PTPN14: variants seen among roughly 807,000 people sequenced by gnomAD.
The protein encoded by PTPN14 is tyrosine-protein phosphatase non-receptor type 14.
Under a neutral mutation model 126.8 loss-of-function variants are expected in PTPN14, and 53 were observed. The ratio of observed to expected loss-of-function variants is 0.42; its 90% CI spans 0.34 to 0.53. PTPN14 has a LOEUF of 0.53. PTPN14 is among the 20% of genes least tolerant of loss of function. The probability of loss-of-function intolerance (pLI) is 0.08; values close to 1 mark genes in which losing one functional copy is unlikely to be tolerated. For synonymous variants in PTPN14, 630 were observed against 599.3 expected (o/e 1.05, Z -0.75); for missense variants, 1,257 against 1,552.9 (o/e 0.81, Z 3.20).
intron 1 of PTPN14, among the ~76,000 whole-genome samples, chr1:214,550,762 C>A (rs148508493): frequency 2.0e-5 from 3 of 152,242 alleles, no homozygotes; most frequent in Non-Finnish European, 4.4e-5. Context: ...TGATTGGGAG[C>A]GTCGGGCAGC....
At chr1:214,540,089 T>C (rs1200144776) in intron 1 of PTPN14, among the ~76,000 whole-genome samples, 2 of 152,184 alleles carry the variant, frequency 1.3e-5, no homozygotes, top group Non-Finnish European at 2.9e-5. Flanking sequence ...AGAAATTCCT[T>C]ACCTTTGAAT....
chr1:214,468,426 T>C (rs536092748), intron 1 of PTPN14, among the ~76,000 whole-genome samples: 1 of 152,116 alleles, frequency 6.6e-6, no homozygotes, highest in Non-Finnish European at 1.5e-5. Flanking sequence ...CATGGTGGTG[T>C]GTGCCTGTAA....
At position 214,533,157 on chromosome 1, in the gene PTPN14, G is replaced by A. The variant is rs1029791391; in HGVS notation, c.-155+18026C>T. ...GCTTGGAGAACAGCCTGAGGGAGGT[G>A]GAGGTCCGCTACACCCTGCAGATGG... On this transcript the variant is annotated intron_variant, in intron 1 of 18. Coordinates refer to ENST00000366956, the MANE Select transcript of PTPN14 (RefSeq NM_005401.5). 59 of 757,916 alleles carry A rather than the reference G, an allele frequency of 7.8e-5. No homozygotes were observed. In the African/African-American group the frequency reaches 9.7e-4, roughly 12 times the overall value. 46.9% of individuals were successfully genotyped at this position (757,916 alleles called of 1,614,324 possible).
Position 214,352,309 on chromosome 1 carries a change from G to A in PTPN14, c.*5613C>T, listed in dbSNP as rs910444007. ...AAAGAAGATGCAGCTATATTAAGCT[G>A]AAAAGATAAGAAAGGTAGTCTACTG... On this transcript the variant is annotated 3_prime_UTR_variant, in exon 19 of 19. Coordinates refer to ENST00000366956, the MANE Select transcript of PTPN14 (RefSeq NM_005401.5). 1.3e-5 allele frequency: 2 copies of A among 152,184 alleles called. No individual in the cohort carries two copies. Among genetic ancestry groups the A allele is most frequent in the African/African-American group, 4.8e-5 (2 of 41,446 alleles). The allele number at this position is 152,184 out of a possible 1,614,324, so 9.4% of individuals were successfully genotyped here.
rs779761806 is a variant in PTPN14 at position 214,384,079 on chromosome 1, G to A, written c.1776C>T (p.Gly592=). Residue 592 remains glycine (G), a synonymous_variant, in exon 13 of 19, where the codon GGC becomes GGT. Transcript: ENST00000366956. This position sits in a 1 kb window ranked among gnomAD's most constrained non-coding sequence, Gnocchi z 5.3. The part of the protein sequence containing the change: ...LASHRHKYVS[G]SSPDLVTRKV... ...TCCGGGTCACCAGGTCCGGGCTGCTGCCGCTGACGTACTTGTGGCGGTGGC... is the reference window on the plus strand; with the variant it reads ...TCCGGGTCACCAGGTCCGGGCTGCTACCGCTGACGTACTTGTGGCGGTGGC... The A allele has an allele frequency of 1.3e-6, 2 of 1,575,574 alleles. No homozygotes were observed. The highest frequency in any genetic ancestry group is 1.7e-6 in the Non-Finnish European group (2 of 1,163,392).
intron 1 of PTPN14, among the ~76,000 whole-genome samples, chr1:214,542,488 G>T (rs1390531361): frequency 1.1e-4 from 17 of 152,276 alleles, no homozygotes; most frequent in African/African-American, 3.8e-4. Flanking sequence ...CAGGGACATG[G>T]GGGAGTGAAG....
At chr1:214,511,638 A>T (rs11810525) in intron 1 of PTPN14, among the ~76,000 whole-genome samples, 11,468 of 152,280 alleles carry the variant, frequency 0.075, 1,143 homozygotes, top group African/African-American at 0.23. Context: ...TAAAAACAGA[A>T]TTCCCTTAGG....
At position 214,402,867 on chromosome 1, in the gene PTPN14, C is replaced by T; in HGVS notation, c.581+16G>A. ...ATCTGTTGTGCAGGCAGCCCCTTACCCTCTGCCTGCCTTACCTGTGGGCTT... is the reference window on the plus strand; with the variant it reads ...ATCTGTTGTGCAGGCAGCCCCTTACTCTCTGCCTGCCTTACCTGTGGGCTT... On this transcript the variant is annotated intron_variant, in intron 6 of 18. Coordinates refer to ENST00000366956, the MANE Select transcript of PTPN14 (RefSeq NM_005401.5). 1.9e-6 allele frequency: 3 copies of T among 1,613,024 alleles called. No homozygotes were observed. The highest frequency in any genetic ancestry group is 2.5e-6 in the Non-Finnish European group (3 of 1,179,322).
intron 4 of PTPN14, 117 bp from the exon 5 acceptor site, chr1:214,411,868 A>T (rs1196039802): frequency 3.7e-6 from 2 of 544,038 alleles, no homozygotes; most frequent in Non-Finnish European, 6.1e-6. Flanking sequence ...TCTCACTATT[A>T]TTAAATAAAA....
At chr1:214,434,690 T>C (rs977444448) in intron 3 of PTPN14, among the ~76,000 whole-genome samples, 1 of 152,118 alleles carries the variant, frequency 6.6e-6, no homozygotes, top group Non-Finnish European at 1.5e-5. Context: ...GAAAATTACA[T>C]GAAATTGGAG....
intron 1 of PTPN14, among the ~76,000 whole-genome samples, chr1:214,522,822 A>G (rs1202214276): frequency 1.3e-5 from 2 of 152,236 alleles, no homozygotes; most frequent in Non-Finnish European, 2.9e-5. Context: ...ATGGTGTTTT[A>G]AAAGACTTAA....
chr1:214,470,329 A>AATTTTTTTCAATACTGTG (rs1181003794), intron 1 of PTPN14, among the ~76,000 whole-genome samples: 1 of 152,030 alleles, frequency 6.6e-6, no homozygotes, highest in Non-Finnish European at 1.5e-5. Context: ...GCTGACTCCT[A>AATTTTTTTCAATACTGTG]ATTTTTTTCA....
At chr1:214,489,771 T>A (rs77919668) in intron 1 of PTPN14, among the ~76,000 whole-genome samples, 7,210 of 152,222 alleles carry the variant, frequency 0.047, 214 homozygotes, top group South Asian at 0.08. Flanking sequence ...AACAAATGCA[T>A]GAGAAAGAGA....
chr1:214,381,958 G>A (rs1658482319), intron 13 of PTPN14, among the ~76,000 whole-genome samples: 1 of 152,138 alleles, frequency 6.6e-6, no homozygotes, highest in Non-Finnish European at 1.5e-5. Context: ...AGGCTGGAGT[G>A]CAGTGGTGCC....
At chr1:214,437,746 T>C (rs1329956904) in intron 3 of PTPN14, among the ~76,000 whole-genome samples, 1 of 152,328 alleles carries the variant, frequency 6.6e-6, no homozygotes, top group African/African-American at 2.4e-5. Flanking sequence ...CTGAACCAAA[T>C]GTTTTAAGCT....
At chr1:214,533,988 G>A (rs1373205613) in intron 1 of PTPN14, among the ~76,000 whole-genome samples, 1 of 152,090 alleles carries the variant, frequency 6.6e-6, no homozygotes, top group Non-Finnish European at 1.5e-5. Flanking sequence ...AATTATAAGT[G>A]GCTCTTGTTT....
chr1:214,484,703 G>A (rs193032312), intron 1 of PTPN14, among the ~76,000 whole-genome samples: 230 of 152,272 alleles, frequency 1.5e-3, no homozygotes, highest in African/African-American at 5.3e-3. Context: ...TTTGTTTTGC[G>A]AGGGAAATGG....
Position 214,521,894 on chromosome 1 carries a change from T to G in PTPN14, c.-155+29289A>C, listed in dbSNP as rs921922178. On this transcript the variant is annotated intron_variant, in intron 1 of 18. Coordinates refer to ENST00000366956, the MANE Select transcript of PTPN14 (RefSeq NM_005401.5). ...ACCATGTTTCATAAGATTTTTGTTG[T>G]TTTTTTTTTTACTTAATCTTCAACA... is the stretch of plus-strand genomic sequence containing the variant. Among the ~76,000 whole-genome samples the G allele has an allele frequency of 4.7e-5, 6 of 126,996 alleles. 1 individual carries two copies. Among genetic ancestry groups the G allele is most frequent in the Non-Finnish European group, 6.7e-5 (4 of 59,672 alleles). The allele number at this position is 126,996 out of a possible 152,430, so 83.3% of individuals were successfully genotyped here.
intron 1 of PTPN14, among the ~76,000 whole-genome samples, chr1:214,495,561 C>A (rs1423871038): frequency 6.6e-6 from 1 of 152,086 alleles, no homozygotes; most frequent in Non-Finnish European, 1.5e-5. Context: ...TCCAATTAAT[C>A]CACTCCAGGA....
Sources: gnomAD v4.1 joint callset for allele counts (sites outside exome capture counted in the v4.1 genomes callset) on GRCh38, gnomAD v4.1.1 for gene constraint, Gnocchi (gnomAD v3.1) non-coding constraint, MANE v1.5 for transcripts, NCBI Gene and HGNC (gene_info 2026-07-23, HGNC 2026-07-21) for gene names.